Variants in BPIFB4 observed in about 807,000 individuals in gnomAD.
BPIFB4 encodes BPI fold containing family B member 4, also known as BPI fold-containing family B member 4.
Under a neutral mutation model 69.2 loss-of-function variants are expected in BPIFB4, and 62 were observed. The observed-to-expected ratio is 0.90, with a 90% CI of 0.73 to 1.11. BPIFB4 has a LOEUF of 1.11. Ranked by LOEUF, BPIFB4 falls within the 50% of genes least tolerant of loss-of-function variation. The pLI is 0.00. For missense variants in BPIFB4, 789 were observed against 792.0 expected (o/e 1.00, Z 0.04); for synonymous variants, 330 against 332.7 (o/e 0.99, Z 0.09).
At chr20:33,092,394 G>A in intron 10 of BPIFB4, 64 bp from the exon 11 acceptor site, 1 of 1,459,914 alleles carries the variant, frequency 6.8e-7, no homozygotes, top group Non-Finnish European at 9.4e-7. Context: ...CCTCACTCCA[G>A]CCTTCAGTCC....
At chr20:33,097,899 A>G (rs933732743) in intron 13 of BPIFB4, 112 bp downstream of exon 13, 11 of 1,201,148 alleles carry the variant, frequency 9.2e-6, no homozygotes, top group Admixed American at 2.7e-5. Flanking sequence ...CATCATGACT[A>G]TGGGCCCAAC....
At chr20:33,091,038 C>A (rs1370988972) in intron 10 of BPIFB4, among the ~76,000 whole-genome samples, 1 of 152,228 alleles carries the variant, frequency 6.6e-6, no homozygotes, top group African/African-American at 2.4e-5. Context: ...CTCAGCCTAT[C>A]TTCACAGCAA....
At chr20:33,102,418 G>C (rs1465121160) in intron 14 of BPIFB4, among the ~76,000 whole-genome samples, 1 of 152,226 alleles carries the variant, frequency 6.6e-6, no homozygotes, top group Non-Finnish European at 1.5e-5. Context: ...GGCCCTTATA[G>C]AGCAGAGCGA....
chr20:33,106,253 A>G (rs1348172605), intron 16 of BPIFB4, among the ~76,000 whole-genome samples: 2 of 152,126 alleles, frequency 1.3e-5, no homozygotes, highest in Non-Finnish European at 2.9e-5. Context: ...AGCACATCCC[A>G]CGGCAGAGTC....
Position 33,088,966 on chromosome 20 carries a change from G to A in BPIFB4, c.927G>A (p.Gly309=), listed in dbSNP as rs149304342. ...CCTCATCCTGCTCCTGTCTCCTTAG[G>A]CTTCTCCCCAATCTCGTGGACAATT... ...LGGIKVKLLR[G]LLPNLVDNLV... Residue 309 remains glycine, a splice_region_variant and synonymous_variant, in exon 8 of 18, where the codon GGG becomes GGA. Transcript: ENST00000375483. 1.7e-5 allele frequency: 28 copies of A among 1,613,646 alleles called. No individual in the cohort carries two copies. The African/African-American group carries it at 3.5e-4, about 20-fold the overall frequency.
In BPIFB4 at chr20:33,092,460, G is replaced by T. The variant is rs765549300; in HGVS notation, c.1146G>T (p.Thr382=). The change falls in exon 11 of 18, where the codon ACG becomes ACT. Residue 382 remains threonine (T), a splice_region_variant and synonymous_variant. Coordinates refer to ENST00000375483, the MANE Select transcript of BPIFB4 (RefSeq NM_182519.3). ...CCCTTTCTTCTCTTCTCCCCCAGACGCTGGTTGGGGAGGCTGGAGGAGGAC... is the reference window on the plus strand; with the variant it reads ...CCCTTTCTTCTCTTCTCCCCCAGACTCTGGTTGGGGAGGCTGGAGGAGGAC... ...TGEFLELDLN[T]LVGEAGGGLI... 3 of 1,612,096 alleles carry T rather than the reference G, an allele frequency of 1.9e-6. No individual in the cohort carries two copies. Among genetic ancestry groups the T allele is most frequent in the African/African-American group, 2.7e-5 (2 of 74,850 alleles).
chr20:33,087,464 G>T (rs749472044), intron 7 of BPIFB4, among the ~76,000 whole-genome samples: 1 of 151,940 alleles, frequency 6.6e-6, no homozygotes, highest in African/African-American at 2.4e-5. Context: ...TCCAAACATC[G>T]AGAGCTTCCT....
At chr20:33,094,361 A>T (rs998693540) in intron 11 of BPIFB4, among the ~76,000 whole-genome samples, 1 of 152,208 alleles carries the variant, frequency 6.6e-6, no homozygotes, top group African/African-American at 2.4e-5. Context: ...AAGCCAATTT[A>T]AAAATGCTAA....
At chr20:33,108,275 G>T (rs976756989) in intron 17 of BPIFB4, among the ~76,000 whole-genome samples, 2 of 152,022 alleles carry the variant, frequency 1.3e-5, no homozygotes, top group Admixed American at 1.3e-4. Flanking sequence ...TATTCCCGAA[G>T]TAATTGGCTA....
At chr20:33,093,076 C>G (rs752688374) in intron 11 of BPIFB4, among the ~76,000 whole-genome samples, 1 of 152,164 alleles carries the variant, frequency 6.6e-6, no homozygotes, top group Non-Finnish European at 1.5e-5. Flanking sequence ...TCTTTCCAAA[C>G]TTTTTCTTTT....
Position 33,111,305 on chromosome 20 carries a change from G to A in BPIFB4, c.1822-109G>A, listed in dbSNP as rs887328636. On this transcript the variant is annotated intron_variant, in intron 17 of 17. Transcript: ENST00000375483. ...GACCCCTTTATCTCCGCTGTTCAGA[G>A]TTACTGCTTCCTAGAAACATGACCG... The A allele has an allele frequency of 9.7e-6, 14 of 1,445,440 alleles. No individual in the cohort carries two copies. The South Asian group carries it at 1.3e-4, about 13-fold the overall frequency. 89.5% of individuals were successfully genotyped at this position (1,445,440 alleles called of 1,614,324 possible). A position where few individuals can be genotyped will look rare whatever the true frequency, so the allele number is the denominator to read the frequency against.
At chr20:33,084,741 C>T in intron 5 of BPIFB4, 151 bp from the exon 6 acceptor site, 1 of 1,418,356 alleles carries the variant, frequency 7.1e-7, no homozygotes, top group Non-Finnish European at 9.2e-7. Context: ...CTCTGTTTTC[C>T]ACATTCTGTC....
chr20:33,082,309 T>A (rs1981255507), intron 3 of BPIFB4, among the ~76,000 whole-genome samples: 1 of 150,744 alleles, frequency 6.6e-6, no homozygotes, highest in East Asian at 1.9e-4. Context: ...TCAGTTGCGA[T>A]AATACATAAG....
chr20:33,106,771 C>A (rs1356481498), intron 16 of BPIFB4, among the ~76,000 whole-genome samples: 1 of 152,048 alleles, frequency 6.6e-6, no homozygotes, highest in African/African-American at 2.4e-5. Context: ...AGCCTTGAGT[C>A]GTTTGGGGTC....
At chr20:33,105,670 A>G (rs1443162660) in intron 16 of BPIFB4, among the ~76,000 whole-genome samples, 1 of 152,166 alleles carries the variant, frequency 6.6e-6, no homozygotes, top group Non-Finnish European at 1.5e-5. Context: ...ATCCCAGCCA[A>G]TGTCATCAGC....
intron 7 of BPIFB4, among the ~76,000 whole-genome samples, chr20:33,087,753 CAAGCATGCATGCAT>C (rs1981476037): frequency 1.4e-5 from 2 of 140,830 alleles, no homozygotes; most frequent in Non-Finnish European, 3.0e-5. Context: ...CACACACACA[CAAGCATGCATGCAT>C]ACACACACAT....
Position 33,111,432 on chromosome 20 carries a change from G to T in BPIFB4, c.1840G>T (p.Ala614Ser). ...DVLEDLLVLS[A>S] is the part of the protein sequence containing the mutation. ...ATCCAAGGACCTTTTGGTGCTGAGC[G>T]CATGAGTGACAGAGGCAGAGATGCT... The change falls in exon 18 of 18, where the codon GCA (alanine) becomes TCA (serine). Residue 614 changes from alanine to serine, a missense_variant. Physicochemically the swap from Ala to Ser is moderately conservative, Grantham distance 99. Around this residue, in one of 3 missense-constraint regions of BPIFB4, gnomAD observed 170 missense variants for 193.6 expected, o/e 0.88. Transcript: ENST00000375483. The T allele has an allele frequency of 6.2e-7, 1 of 1,614,002 alleles. No individual in the cohort carries two copies. The highest frequency in any genetic ancestry group is 8.5e-7 in the Non-Finnish European group (1 of 1,179,918).
chr20:33,096,712 A>G (rs187397369), intron 12 of BPIFB4, among the ~76,000 whole-genome samples: 1 of 152,338 alleles, frequency 6.6e-6, no homozygotes, highest in Non-Finnish European at 1.5e-5. Context: ...GGGGTAGAAT[A>G]GGGACTGAGT....
intron 13 of BPIFB4, among the ~76,000 whole-genome samples, chr20:33,098,248 A>G (rs1409505243): frequency 1.3e-5 from 2 of 152,104 alleles, no homozygotes; most frequent in Non-Finnish European, 2.9e-5. Flanking sequence ...GGTTGCCTAT[A>G]CCCAGTGTGT....
Sources: allele counts gnomAD v4.1 joint callset (sites outside exome capture counted in the v4.1 genomes callset), GRCh38; gene constraint gnomAD v4.1.1; regional missense constraint gnomAD v4.1.1; transcripts MANE v1.5; gene names NCBI Gene and HGNC (gene_info 2026-07-23, HGNC 2026-07-21).